NAV2: variants seen among roughly 807,000 people sequenced by gnomAD.
NAV2 encodes helicase, APC down-regulated 1.
A neutral mutation model predicts 223.2 loss-of-function variants in NAV2; 54 were observed. The observed-to-expected ratio is 0.24, with a 90% CI of 0.19 to 0.30. The LOEUF (loss-of-function observed/expected upper bound fraction) is 0.30. NAV2 is among the 10% of genes least tolerant of loss of function. NAV2 has a pLI of 1.00. For missense variants in NAV2, 2,806 were observed against 3,147.5 expected (o/e 0.89, Z 2.60); for synonymous variants, 1,279 against 1,239.3 (o/e 1.03, Z -0.67).
chr11:19,576,224 T>C (rs1473906546), intron 1 of NAV2, among the ~76,000 whole-genome samples: 1 of 152,226 alleles, frequency 6.6e-6, no homozygotes, highest in Non-Finnish European at 1.5e-5. Context: ...TCAGACCCAC[T>C]TGGCCAGAGA....
At chr11:19,723,642 G>A (rs1053588722) in intron 1 of NAV2, among the ~76,000 whole-genome samples, 2 of 152,186 alleles carry the variant, frequency 1.3e-5, no homozygotes, top group African/African-American at 2.4e-5. Context: ...GTGTTTATAG[G>A]ATGAGGAGCC....
intron 1 of NAV2, among the ~76,000 whole-genome samples, chr11:19,781,116 T>A (rs937935790): frequency 1.3e-5 from 2 of 152,212 alleles, no homozygotes; most frequent in African/African-American, 4.8e-5. Context: ...ATTATTCAGA[T>A]AAAGAAATTA....
chr11:20,023,165 G>C (rs777487748), intron 11 of NAV2: 23 of 1,549,006 alleles, frequency 1.5e-5, no homozygotes, highest in Middle Eastern at 1.7e-4. Flanking sequence ...CTGGGGCCAG[G>C]GGGTGGGTGT....
chr11:19,922,255 T>G (rs2044344260), intron 6 of NAV2, among the ~76,000 whole-genome samples: 1 of 152,104 alleles, frequency 6.6e-6, no homozygotes, highest in South Asian at 2.1e-4. Flanking sequence ...TGTAACTTTT[T>G]TTTTTTTCTT....
intron 1 of NAV2, among the ~76,000 whole-genome samples, chr11:19,817,997 C>A (rs867119735): frequency 2.7e-5 from 4 of 147,612 alleles, no homozygotes; most frequent in South Asian, 4.2e-4. Context: ...TCTTGCCCAC[C>A]CAGATAGCCT....
At chr11:19,751,358 A>G (rs1590305366) in intron 1 of NAV2, among the ~76,000 whole-genome samples, 2 of 152,288 alleles carry the variant, frequency 1.3e-5, no homozygotes, top group African/African-American at 4.8e-5. Context: ...GATGATGAGT[A>G]GGAGAAAGCA....
intron 1 of NAV2, among the ~76,000 whole-genome samples, chr11:19,766,484 T>C (rs2055237869): frequency 1.3e-5 from 2 of 152,214 alleles, no homozygotes; most frequent in African/African-American, 4.8e-5. Flanking sequence ...CCAGTGCTGA[T>C]GTCTCTTAAG....
chr11:19,556,837 T>C (rs2044910150), intron 1 of NAV2, among the ~76,000 whole-genome samples: 1 of 152,188 alleles, frequency 6.6e-6, no homozygotes. Flanking sequence ...AAGCCAAAAT[T>C]CATAATAAAT....
chr11:19,887,833 T>C (rs1414507889), intron 5 of NAV2, among the ~76,000 whole-genome samples: 1 of 152,074 alleles, frequency 6.6e-6, no homozygotes, highest in Non-Finnish European at 1.5e-5. Context: ...GCAAAAAGCA[T>C]CTCTGATTAT....
At chr11:19,532,090 A>C (rs2044043610) in intron 1 of NAV2, among the ~76,000 whole-genome samples, 2 of 152,222 alleles carry the variant, frequency 1.3e-5, no homozygotes, top group Non-Finnish European at 2.9e-5. Context: ...AGTATAAAGG[A>C]CTGAGCACTA....
intron 1 of NAV2, chr11:19,777,752 G>A: frequency 2.4e-6 from 1 of 423,024 alleles, no homozygotes; most frequent in South Asian, 1.7e-5. Context: ...AGGGGGGTGG[G>A]ACTGGGCTGC....
At chr11:20,041,836 T>C (rs1188827658) in intron 12 of NAV2, among the ~76,000 whole-genome samples, 3 of 152,226 alleles carry the variant, frequency 2.0e-5, no homozygotes, top group African/African-American at 7.2e-5. Flanking sequence ...AAGTTTCTTT[T>C]CTTTCTTTAG....
intron 1 of NAV2, among the ~76,000 whole-genome samples, chr11:19,442,785 T>C (rs898651771): frequency 2.0e-5 from 3 of 152,170 alleles, no homozygotes; most frequent in Admixed American, 6.5e-5. Context: ...AGTGTGACAA[T>C]AGGCTATATA....
intron 1 of NAV2, among the ~76,000 whole-genome samples, chr11:19,402,907 A>G (rs924749057): frequency 6.6e-6 from 1 of 152,228 alleles, no homozygotes; most frequent in Non-Finnish European, 1.5e-5. Flanking sequence ...AGGGAAAAGG[A>G]GGAGAAAAAA....
chr11:19,912,658 G>C (rs2043413399), intron 6 of NAV2, among the ~76,000 whole-genome samples: 1 of 152,132 alleles, frequency 6.6e-6, no homozygotes, highest in Non-Finnish European at 1.5e-5. Flanking sequence ...TGTCCTTATA[G>C]GCATGTTTCT....
intron 1 of NAV2, among the ~76,000 whole-genome samples, chr11:19,593,792 G>A (rs968938448): frequency 6.6e-6 from 1 of 151,978 alleles, no homozygotes; most frequent in Non-Finnish European, 1.5e-5. Context: ...CCTAATAGCT[G>A]GTGATGTTGA....
chr11:19,981,829 G>T (rs2050316701), intron 10 of NAV2, among the ~76,000 whole-genome samples: 1 of 152,190 alleles, frequency 6.6e-6, no homozygotes, highest in South Asian at 2.1e-4. Flanking sequence ...TGGATGGATG[G>T]ATGATGGGTA....
At chr11:19,783,040 G>A (rs1398353798) in intron 1 of NAV2, among the ~76,000 whole-genome samples, 1 of 152,132 alleles carries the variant, frequency 6.6e-6, no homozygotes, top group East Asian at 1.9e-4. Context: ...AACATGATAG[G>A]TCCTGTGGCA....
intron 1 of NAV2, among the ~76,000 whole-genome samples, chr11:19,690,920 G>A (rs1009896639): frequency 2.6e-5 from 4 of 152,174 alleles, no homozygotes; most frequent in East Asian, 1.9e-4. Flanking sequence ...ACACACCAAA[G>A]CTTTTCTCTT....
Sources: gnomAD v4.1 joint callset for allele counts (sites outside exome capture counted in the v4.1 genomes callset) on GRCh38, gnomAD v4.1.1 for gene constraint, MANE v1.5 for transcripts, NCBI Gene and HGNC (gene_info 2026-07-23, HGNC 2026-07-21) for gene names.